The following POLR1D variants were observed in gnomAD, a reference collection of about 807,000 sequenced individuals.
The protein encoded by POLR1D is RNA polymerase I and III subunit D.
In POLR1D, 8 loss-of-function variants were observed where a neutral mutation model predicts 10.8. The ratio of observed to expected loss-of-function variants is 0.74; its 90% CI spans 0.43 to 1.33. The LOEUF is 1.33. Ranked by LOEUF, POLR1D falls within the 40% of genes most tolerant of loss-of-function variation. The pLI is 0.01. For synonymous variants in POLR1D, 54 were observed against 57.2 expected (o/e 0.94, Z 0.25); for missense variants, 152 against 161.7 (o/e 0.94, Z 0.32).
downstream of POLR1D, among the ~76,000 whole-genome samples, chr13:27,625,014 G>A (rs191114828): frequency 6.6e-6 from 1 of 152,254 alleles, no homozygotes; most frequent in African/African-American, 2.4e-5. Flanking sequence ...AGAGATTACA[G>A]GAAGGGAGAG....
chr13:27,625,061 G>A (rs551723864), downstream of POLR1D, among the ~76,000 whole-genome samples: 1 of 152,148 alleles, frequency 6.6e-6, no homozygotes, highest in Non-Finnish European at 1.5e-5. Context: ...ATGCATTCTG[G>A]GGGTATAGCA....
At position 27,623,064 on chromosome 13, in the gene POLR1D, G is replaced by T. The variant is rs186446705; in HGVS notation, c.216G>T (p.Thr72=). The T allele has an allele frequency of 6.8e-6, 11 of 1,613,876 alleles. No homozygotes were observed. The Admixed American group carries it at 1.5e-4, about 22-fold the overall frequency. Residue 72 remains threonine, a synonymous_variant, in exon 2 of 2, where the codon ACG becomes ACT. Transcript: ENST00000302979. ...AAGTGGAATTTTGTGGTTACACTAC[G>T]ACCCATCCTTCAGAGAGCAAAATTA... ...NPEVEFCGYT[T]THPSESKINL...
At chr13:27,666,847 T>G (rs1056128165) in exon 3 of POLR1D, 2 of 152,166 alleles carry the variant, frequency 1.3e-5, no homozygotes, top group African/African-American at 4.8e-5. Context: ...TATTCCTTCT[T>G]TATACTCAGG....
chr13:27,659,535 A>G (rs1057340763), intron 2 of POLR1D, among the ~76,000 whole-genome samples: 12 of 151,602 alleles, frequency 7.9e-5, no homozygotes, highest in African/African-American at 2.7e-4. Flanking sequence ...GTCACTTAAC[A>G]CTCCTTGTAT....
rs375008435 is a variant in POLR1D, at chr13:27,621,944, T to C, written c.-40T>C. On this transcript the variant is annotated 5_prime_UTR_variant, in exon 1 of 2. Transcript: ENST00000302979. ...TCGCGCTATGGGACAGAGCCCCCGATCCGCCAGCACCACCTGAGGATCCAG... is the reference window on the plus strand; with the variant it reads ...TCGCGCTATGGGACAGAGCCCCCGACCCGCCAGCACCACCTGAGGATCCAG... 39 of 1,578,432 alleles carry C rather than the reference T, an allele frequency of 2.5e-5. No homozygotes were observed. The highest frequency in any genetic ancestry group is 3.3e-5 in the Non-Finnish European group (38 of 1,161,518).
chr13:27,644,447 G>C (rs1173472296), intron 1 of POLR1D, among the ~76,000 whole-genome samples: 1 of 152,204 alleles, frequency 6.6e-6, no homozygotes, highest in Non-Finnish European at 1.5e-5. Flanking sequence ...CCTTAAGCAT[G>C]TACCAGCTGG....
At chr13:27,636,189 T>C (rs1160858185) in intron 1 of POLR1D, among the ~76,000 whole-genome samples, 2 of 151,484 alleles carry the variant, frequency 1.3e-5, no homozygotes, top group Non-Finnish European at 2.9e-5. Context: ...GGCTAAAATA[T>C]TATAATTATA....
At position 27,632,117 on chromosome 13, in the gene POLR1D, C is replaced by G. The variant is rs188468119; in HGVS notation, c.26+10108C>G. ...GAGCCTCTAACACTACTATCTTCAC[C>G]ACCTTGATCCCATGCCTCATCTGTT... On this transcript the variant is annotated intron_variant, in intron 1 of 2. Coordinates refer to the POLR1D transcript ENST00000399697. 2.7e-4 allele frequency among the ~76,000 whole-genome samples: 41 copies of G among 152,276 alleles called. No homozygotes were observed. The East Asian group carries it at 6.6e-3, about 24-fold the overall frequency.
chr13:27,665,750 C>T, exon 3 of POLR1D: 1 of 1,612,988 alleles, frequency 6.2e-7, no homozygotes, highest in Non-Finnish European at 8.5e-7. Flanking sequence ...AAACACATTG[C>T]CCTCTCATAA....
intron 2 of POLR1D, among the ~76,000 whole-genome samples, chr13:27,651,833 T>C (rs1002747355): frequency 6.6e-5 from 10 of 152,308 alleles, no homozygotes; most frequent in African/African-American, 2.4e-4. Context: ...TATTGTCTTA[T>C]AGACTCATGG....
chr13:27,650,239 T>G, intron 2 of POLR1D: 1 of 391,794 alleles, frequency 2.6e-6, no homozygotes, highest in East Asian at 3.6e-5. Flanking sequence ...TTTCATTAAA[T>G]AGGTTTGAAG....
Position 27,623,354 on chromosome 13 carries a change from C to T in POLR1D, c.*104C>T, listed in dbSNP as rs566833566. ...TGTGGTTACAGCATACTCTGTCCTTCAGAAAGGCGTGATTCTAGCTGTTGA... is the reference window on the plus strand; with the variant it reads ...TGTGGTTACAGCATACTCTGTCCTTTAGAAAGGCGTGATTCTAGCTGTTGA... On this transcript the variant is annotated 3_prime_UTR_variant, in exon 2 of 2. Transcript: ENST00000302979. 5.3e-4 allele frequency: 825 copies of T among 1,561,854 alleles called. No individual in the cohort carries two copies. Among genetic ancestry groups the T allele is most frequent in the Non-Finnish European group, 6.9e-4 (801 of 1,154,764 alleles).
chr13:27,621,826 G>T (rs1383612719), upstream of POLR1D: 6 of 710,638 alleles, frequency 8.4e-6, no homozygotes, highest in Non-Finnish European at 7.3e-6. Context: ...CCCCGCGGCT[G>T]GGCCCTGCCG....
intron 2 of POLR1D, among the ~76,000 whole-genome samples, chr13:27,657,640 T>C (rs1198784095): frequency 6.6e-6 from 1 of 152,240 alleles, no homozygotes; most frequent in African/African-American, 2.4e-5. Context: ...GTTTGTTTGT[T>C]AGTTTTTTAA....
intron 2 of POLR1D, chr13:27,648,545 G>A: frequency 5.3e-6 from 4 of 759,254 alleles, no homozygotes; most frequent in South Asian, 2.9e-5. Flanking sequence ...AGAGGAAATG[G>A]GAAACCATGG....
At chr13:27,630,060 C>T (rs553865153) in intron 1 of POLR1D, among the ~76,000 whole-genome samples, 3 of 152,050 alleles carry the variant, frequency 2.0e-5, no homozygotes, top group Non-Finnish European at 4.4e-5. Flanking sequence ...TACAGGCACC[C>T]GCCACCAGGC....
In POLR1D at chr13:27,623,145, C is replaced by T; in HGVS notation, c.297C>T (p.Gly99=). 1 of 1,614,074 alleles carries T rather than the reference C, an allele frequency of 6.2e-7. No homozygotes were observed. The highest frequency in any genetic ancestry group is 8.5e-7 in the Non-Finnish European group (1 of 1,179,986). The change falls in exon 2 of 2, where the codon GGC becomes GGT. Residue 99 remains glycine, a synonymous_variant. Coordinates refer to ENST00000302979, the MANE Select transcript of POLR1D (RefSeq NM_015972.4). Reference sequence around the variant, plus strand: ...CAGCTGTTGAGCCATTTCAGAGAGGCCTGAATGAGCTCATGAATGTCTGCC... The same window carrying T: ...CAGCTGTTGAGCCATTTCAGAGAGGTCTGAATGAGCTCATGAATGTCTGCC... ...TLPAVEPFQR[G]LNELMNVCQH...
chr13:27,650,200 C>T (rs146582555), intron 2 of POLR1D: 148 of 393,458 alleles, frequency 3.8e-4, no homozygotes, highest in African/African-American at 2.7e-3. Context: ...AGCTCATCTG[C>T]GGCTCAGCAT....
At chr13:27,626,968 T>C (rs930176937), downstream of POLR1D, among the ~76,000 whole-genome samples, 2 of 152,224 alleles carry the variant, frequency 1.3e-5, no homozygotes, top group African/African-American at 2.4e-5. Flanking sequence ...TCTCAAGAGA[T>C]AGGAAAGCAT....
Sources: allele counts gnomAD v4.1 joint callset (sites outside exome capture counted in the v4.1 genomes callset), GRCh38; gene constraint gnomAD v4.1.1; transcripts MANE v1.5; gene names NCBI Gene and HGNC (gene_info 2026-07-23, HGNC 2026-07-21).